The following LACTB2 variants were observed in gnomAD, a reference collection of about 807,000 sequenced individuals.
LACTB2 encodes the protein lactamase beta 2, also known as endoribonuclease LACTB2.
A neutral mutation model predicts 34.8 loss-of-function variants in LACTB2; 32 were observed. That is an observed-to-expected ratio of 0.92 (90% CI 0.69 to 1.24). The LOEUF is 1.24. LACTB2 is among the 50% of genes most tolerant of loss of function. The probability of loss-of-function intolerance (pLI) is 0.00; values close to 1 mark genes in which losing one functional copy is unlikely to be tolerated. For missense variants in LACTB2, 320 were observed against 345.0 expected (o/e 0.93, Z 0.57); for synonymous variants, 120 against 117.5 (o/e 1.02, Z -0.14).
intron 1 of LACTB2, chr8:70,662,803 T>C (rs1818496253): frequency 6.6e-6 from 1 of 152,172 alleles, no homozygotes; most frequent in African/African-American, 2.4e-5. Context: ...TTCTCCCACA[T>C]CTACTTCCTG....
chr8:70,660,933 A>G (rs1818474354), intron 2 of LACTB2: 1 of 455,382 alleles, frequency 2.2e-6, no homozygotes, highest in Non-Finnish European at 4.4e-6. Flanking sequence ...GCACGCCACC[A>G]TACCCGGGAA....
At chr8:70,654,856 A>C (rs1455572253) in intron 3 of LACTB2, 2 of 152,612 alleles carry the variant, frequency 1.3e-5, no homozygotes, top group African/African-American at 2.4e-5. Context: ...TGTGGCTGGG[A>C]CTACAGGCAT....
intron 3 of LACTB2, among the ~76,000 whole-genome samples, chr8:70,648,544 T>C (rs894760953): frequency 5.9e-5 from 9 of 151,646 alleles, no homozygotes; most frequent in Admixed American, 5.3e-4. Context: ...CCAGAAAGTA[T>C]AGTAAAAAGG....
intron 1 of LACTB2, among the ~76,000 whole-genome samples, chr8:70,665,922 T>C (rs1818529163): frequency 6.6e-6 from 1 of 152,186 alleles, no homozygotes; most frequent in African/African-American, 2.4e-5. Flanking sequence ...CACTGGACAA[T>C]TTGGCTGTCA....
At chr8:70,664,062 G>A (rs1052588281) in intron 1 of LACTB2, among the ~76,000 whole-genome samples, 1 of 152,066 alleles carries the variant, frequency 6.6e-6, no homozygotes, top group East Asian at 1.9e-4. Context: ...ACCCATCCTA[G>A]ATTTTGGCTG....
chr8:70,660,750 C>A, intron 2 of LACTB2: 1 of 456,376 alleles, frequency 2.2e-6, no homozygotes, highest in Non-Finnish European at 4.4e-6. Flanking sequence ...CTTCTTGTAC[C>A]TTTATTTTCC....
At chr8:70,643,317 G>A (rs973300078) in intron 4 of LACTB2, among the ~76,000 whole-genome samples, 1 of 143,670 alleles carries the variant, frequency 7.0e-6, no homozygotes, top group Non-Finnish European at 1.5e-5. Flanking sequence ...CCACCTCTCA[G>A]GTTCAAGCAA....
chr8:70,667,270 T>C (rs963727049), intron 1 of LACTB2, among the ~76,000 whole-genome samples: 14 of 152,094 alleles, frequency 9.2e-5, no homozygotes, highest in Non-Finnish European at 4.4e-5. Context: ...AAAAATACCA[T>C]TGGGGTTAGT....
chr8:70,655,519 G>A (rs1010430418), intron 3 of LACTB2, among the ~76,000 whole-genome samples: 2 of 152,056 alleles, frequency 1.3e-5, no homozygotes, highest in Non-Finnish European at 2.9e-5. Context: ...ACCATGCCTG[G>A]CCCCGTAATT....
chr8:70,650,016 C>T (rs1222115925), intron 3 of LACTB2, among the ~76,000 whole-genome samples: 1 of 151,832 alleles, frequency 6.6e-6, no homozygotes, highest in African/African-American at 2.4e-5. Flanking sequence ...GAGGGCTTAC[C>T]CTGTCACCTA....
At chr8:70,646,896 C>T (rs1209029285) in intron 3 of LACTB2, among the ~76,000 whole-genome samples, 2 of 152,154 alleles carry the variant, frequency 1.3e-5, no homozygotes, top group East Asian at 1.9e-4. Flanking sequence ...TATTCTACCT[C>T]ACAAGGTTAT....
intron 2 of LACTB2, among the ~76,000 whole-genome samples, chr8:70,659,485 A>G (rs1199431835): frequency 3.9e-5 from 6 of 152,238 alleles, no homozygotes; most frequent in Non-Finnish European, 5.9e-5. Flanking sequence ...AAAAGAAACA[A>G]CAACAAATAC....
At chr8:70,648,305 A>G (rs556278329) in intron 3 of LACTB2, among the ~76,000 whole-genome samples, 5 of 152,366 alleles carry the variant, frequency 3.3e-5, no homozygotes, top group Admixed American at 1.3e-4. Flanking sequence ...AAGACAGCGC[A>G]TAAAAACGAA....
chr8:70,664,760 AC>A (rs899362746), intron 1 of LACTB2, among the ~76,000 whole-genome samples: 36 of 152,328 alleles, frequency 2.4e-4, no homozygotes, highest in African/African-American at 8.4e-4. Flanking sequence ...TTTCATATTT[AC>A]TATTTCTTTT....
intron 1 of LACTB2, among the ~76,000 whole-genome samples, chr8:70,666,322 C>T (rs1419784240): frequency 6.6e-6 from 1 of 152,102 alleles, no homozygotes; most frequent in Admixed American, 6.6e-5. Flanking sequence ...TATGGAGTGT[C>T]CCTAATACAG....
At chr8:70,662,501 T>A (rs1225758390) in intron 1 of LACTB2, 1 of 152,224 alleles carries the variant, frequency 6.6e-6, no homozygotes, top group East Asian at 1.9e-4. Context: ...AAGGCTTTAG[T>A]GAAGCATGGG....
intron 5 of LACTB2, 94 bp from the exon 6 acceptor site, chr8:70,638,723 G>C: frequency 2.0e-6 from 2 of 1,011,088 alleles, no homozygotes; most frequent in Non-Finnish European, 2.6e-6. Context: ...GCAAAATGTA[G>C]CAAAAGTTTA....
At chr8:70,657,082 CAGAT>C (rs1818420242) in intron 3 of LACTB2, among the ~76,000 whole-genome samples, 1 of 152,048 alleles carries the variant, frequency 6.6e-6, no homozygotes, top group Admixed American at 6.6e-5. Context: ...TTGAAACCCT[CAGAT>C]AGGTCATGAG....
intron 3 of LACTB2, chr8:70,653,818 T>A (rs1455435709): frequency 6.6e-6 from 1 of 152,040 alleles, no homozygotes; most frequent in East Asian, 1.9e-4. Flanking sequence ...TTCTACCTGC[T>A]GGATTGATCG....
Sources: gnomAD v4.1 joint callset for allele counts (sites outside exome capture counted in the v4.1 genomes callset) on GRCh38, gnomAD v4.1.1 for gene constraint, MANE v1.5 for transcripts, NCBI Gene and HGNC (gene_info 2026-07-23, HGNC 2026-07-21) for gene names.